Variants in PGBD2 observed in about 807,000 individuals in gnomAD.
PGBD2 encodes piggyBac transposable element derived 2.
A neutral mutation model predicts 8.1 loss-of-function variants in PGBD2; 6 were observed. That is an observed-to-expected ratio of 0.74 (90% confidence interval 0.40 to 1.46). The LOEUF (loss-of-function observed/expected upper bound fraction) is 1.46. PGBD2 is among the 40% of genes most tolerant of loss of function. PGBD2 has a pLI of 0.02. For synonymous variants in PGBD2, 318 were observed against 272.2 expected (o/e 1.17, Z -1.66); for missense variants, 802 against 739.0 (o/e 1.09, Z -0.99).
chr1:248,907,039 C>G (rs1661670340), intron 1 of PGBD2, among the ~76,000 whole-genome samples: 1 of 152,078 alleles, frequency 6.6e-6, no homozygotes, highest in Non-Finnish European at 1.5e-5. Flanking sequence ...GGGACCGGCA[C>G]TCAGCATACC....
chr1:248,925,371 C>G, the PGBD2 span, among the ~76,000 whole-genome samples: 3 of 152,184 alleles, frequency 2.0e-5, no homozygotes, highest in African/African-American at 7.2e-5. Context: ...TGTTGAGCAT[C>G]ATCATTCTAA....
chr1:248,881,010 G>GGTAT, the PGBD2 span, among the ~76,000 whole-genome samples: 1 of 152,050 alleles, frequency 6.6e-6, no homozygotes, highest in Admixed American at 6.6e-5. Flanking sequence ...GTTACTTAAG[G>GGTAT]GTATGCATCT....
At chr1:248,894,007 T>C in the PGBD2 span, among the ~76,000 whole-genome samples, 1 of 152,226 alleles carries the variant, frequency 6.6e-6, no homozygotes, top group Admixed American at 6.5e-5. Flanking sequence ...TTAGTGATGT[T>C]GAGCATCTTT....
chr1:248,894,778 T>A, the PGBD2 span, among the ~76,000 whole-genome samples: 2 of 147,846 alleles, frequency 1.4e-5, no homozygotes, highest in Non-Finnish European at 3.0e-5. Context: ...TCTCCTTCCT[T>A]CCTTTTCTCT....
chr1:248,890,407 A>G, the PGBD2 span, among the ~76,000 whole-genome samples: 3 of 152,124 alleles, frequency 2.0e-5, no homozygotes, highest in Non-Finnish European at 2.9e-5. Flanking sequence ...ATGCGAAGAA[A>G]CAGATGCAAT....
chr1:248,900,186 G>A, the PGBD2 span, among the ~76,000 whole-genome samples: 2 of 150,748 alleles, frequency 1.3e-5, no homozygotes, highest in Non-Finnish European at 2.9e-5. Flanking sequence ...CATTTCTTCT[G>A]ACACTATTTC....
At chr1:248,908,446 T>C (rs1383905218) in intron 1 of PGBD2, among the ~76,000 whole-genome samples, 1 of 152,118 alleles carries the variant, frequency 6.6e-6, no homozygotes, top group African/African-American at 2.4e-5. Context: ...TCTAGGAGGC[T>C]TCCCCGATCA....
At chr1:248,902,223 C>T (rs1233878610), upstream of PGBD2, among the ~76,000 whole-genome samples, 2 of 150,376 alleles carry the variant, frequency 1.3e-5, no homozygotes, top group African/African-American at 4.9e-5. Context: ...GAGCTGAGAT[C>T]GTACCACTGC....
At chr1:248,923,443 T>C (rs569770800), downstream of PGBD2, among the ~76,000 whole-genome samples, 1 of 152,296 alleles carries the variant, frequency 6.6e-6, no homozygotes, top group Admixed American at 6.5e-5. Flanking sequence ...GGGTTTTTCA[T>C]GTCTCTATCA....
chr1:248,905,180 A>G (rs1285844730), upstream of PGBD2, among the ~76,000 whole-genome samples: 2 of 152,230 alleles, frequency 1.3e-5, no homozygotes, highest in East Asian at 1.9e-4. Flanking sequence ...CTCACAAATG[A>G]GCATGATTTT....
downstream of PGBD2, among the ~76,000 whole-genome samples, chr1:248,924,142 A>C (rs1662340344): frequency 6.6e-6 from 1 of 152,232 alleles, no homozygotes; most frequent in African/African-American, 2.4e-5. Flanking sequence ...AGCCATCTGC[A>C]GTGGCATTGT....
At chr1:248,890,452 C>T in the PGBD2 span, among the ~76,000 whole-genome samples, 1 of 152,158 alleles carries the variant, frequency 6.6e-6, no homozygotes, top group Non-Finnish European at 1.5e-5. Flanking sequence ...CACAAAGTTC[C>T]TATGAGCCAG....
At chr1:248,894,740 T>G in the PGBD2 span, among the ~76,000 whole-genome samples, 1 of 137,922 alleles carries the variant, frequency 7.3e-6, no homozygotes, top group East Asian at 2.5e-4. Context: ...CTTGCTTTCC[T>G]TTCCTTCCTT....
In PGBD2 at chr1:248,918,069, C is replaced by A; in HGVS notation, c.1485C>A (p.Leu495=). 1.9e-6 allele frequency: 3 copies of A among 1,614,200 alleles called. No individual in the cohort carries two copies. The highest frequency in any genetic ancestry group is 2.5e-6 in the Non-Finnish European group (3 of 1,180,034). Residue 495 remains leucine (L), a synonymous_variant, in exon 3 of 3, where the codon CTC becomes CTA. Transcript: ENST00000329291. ...SFIGYVIDAA[L]NNAWQLHRIC... ...TTGGCTATGTCATTGATGCTGCCCT[C>A]AACAATGCATGGCAGCTGCATAGAA...
chr1:248,929,794 C>T, the PGBD2 span, among the ~76,000 whole-genome samples: 2 of 152,316 alleles, frequency 1.3e-5, no homozygotes, highest in African/African-American at 2.4e-5. Flanking sequence ...GTGTTAGCCA[C>T]AGGTCAAAAG....
downstream of PGBD2, among the ~76,000 whole-genome samples, chr1:248,924,035 C>T (rs1240329540): frequency 6.6e-6 from 1 of 152,212 alleles, no homozygotes; most frequent in Non-Finnish European, 1.5e-5. Context: ...ACAGGGGACA[C>T]AGAAGAGTCC....
At chr1:248,895,418 C>G in the PGBD2 span, among the ~76,000 whole-genome samples, 1 of 152,190 alleles carries the variant, frequency 6.6e-6, no homozygotes, top group Non-Finnish European at 1.5e-5. Flanking sequence ...GGTTCTGCTG[C>G]TCAAGGAAGC....
At position 248,906,276 on chromosome 1, in the gene PGBD2, A is replaced by C. The variant is rs534042621; in HGVS notation, c.-114A>C. ...CGACGCCCGACGCCAACGCAGGCGCAGCGCTCCGATTCGGCGCGGCTCATG... is the reference window on the plus strand; with the variant it reads ...CGACGCCCGACGCCAACGCAGGCGCCGCGCTCCGATTCGGCGCGGCTCATG... On this transcript the variant is annotated 5_prime_UTR_variant, in exon 1 of 3. Transcript: ENST00000329291. 6.6e-6 allele frequency: 1 copy of C among 151,846 alleles called. No homozygotes were observed. Among genetic ancestry groups the C allele is most frequent in the African/African-American group, 2.4e-5 (1 of 41,286 alleles). 9.4% of individuals were successfully genotyped at this position (151,846 alleles called of 1,614,324 possible). A position where few individuals can be genotyped will look rare whatever the true frequency, so the allele number is the denominator to read the frequency against.
intron 1 of PGBD2, among the ~76,000 whole-genome samples, chr1:248,907,881 A>C (rs2103102759): frequency 6.6e-6 from 1 of 152,330 alleles, no homozygotes; most frequent in South Asian, 2.1e-4. Flanking sequence ...ACACAGTAGC[A>C]GTCTGACTTC....
Sources: gnomAD v4.1 joint callset for allele counts (sites outside exome capture counted in the v4.1 genomes callset) on GRCh38, gnomAD v4.1.1 for gene constraint, MANE v1.5 for transcripts, NCBI Gene and HGNC (gene_info 2026-07-23, HGNC 2026-07-21) for gene names.